Variants in GRM7 observed in about 807,000 individuals in gnomAD.
GRM7 encodes metabotropic glutamate receptor 7.
In GRM7, 35 loss-of-function variants were observed where a neutral mutation model predicts 84.5. The ratio of observed to expected loss-of-function variants is 0.41; its 90% CI spans 0.32 to 0.55. The LOEUF is 0.55. GRM7 is among the 20% of genes least tolerant of loss of function. The probability of loss-of-function intolerance (pLI) is 0.19; values close to 1 mark genes in which losing one functional copy is unlikely to be tolerated. For synonymous variants in GRM7, 487 were observed against 455.1 expected (o/e 1.07, Z -0.89); for missense variants, 1,003 against 1,194.6 (o/e 0.84, Z 2.36).
intron 1 of GRM7, among the ~76,000 whole-genome samples, chr3:7,070,219 G>A (rs936070613): frequency 6.6e-6 from 1 of 152,036 alleles, no homozygotes; most frequent in African/African-American, 2.4e-5. Context: ...CAGAATAATA[G>A]TTTCCAAAGT....
intron 1 of GRM7, among the ~76,000 whole-genome samples, chr3:7,030,512 A>G (rs932734144): frequency 1.3e-5 from 2 of 152,222 alleles, no homozygotes; most frequent in African/African-American, 4.8e-5. Context: ...AGAGTTTTTA[A>G]AAATAGTAAA....
intron 1 of GRM7, among the ~76,000 whole-genome samples, chr3:6,983,983 A>G (rs1022213354): frequency 1.6e-4 from 24 of 152,216 alleles, no homozygotes; most frequent in Non-Finnish European, 3.4e-4. Context: ...TTCTGTCATC[A>G]TAAAACAAAG....
intron 2 of GRM7, among the ~76,000 whole-genome samples, chr3:7,288,426 A>G (rs1359735188): frequency 6.6e-6 from 1 of 152,164 alleles, no homozygotes; most frequent in African/African-American, 2.4e-5. Context: ...ATCAGAATTT[A>G]TAAGAACTGG....
chr3:7,558,129 A>G (rs1401991855), intron 7 of GRM7, among the ~76,000 whole-genome samples: 1 of 152,136 alleles, frequency 6.6e-6, no homozygotes, highest in Non-Finnish European at 1.5e-5. Context: ...ATGATATATG[A>G]CAATGTATCT....
At chr3:7,008,113 G>A (rs1695243903) in intron 1 of GRM7, among the ~76,000 whole-genome samples, 2 of 10,494 alleles carry the variant, frequency 1.9e-4, no homozygotes, top group Non-Finnish European at 7.4e-4. Flanking sequence ...CAATGAGAAT[G>A]CGTTTTTTTT....
At chr3:7,282,040 G>A (rs936640636) in intron 2 of GRM7, among the ~76,000 whole-genome samples, 31 of 152,104 alleles carry the variant, frequency 2.0e-4, no homozygotes, top group African/African-American at 7.2e-4. Context: ...CAGAGATTGC[G>A]CCACTGCACT....
At chr3:7,297,157 G>T (rs1292014705) in intron 2 of GRM7, among the ~76,000 whole-genome samples, 3 of 151,776 alleles carry the variant, frequency 2.0e-5, no homozygotes, top group Non-Finnish European at 2.9e-5. Context: ...TCTAAACACT[G>T]CTTTATCTGT....
chr3:7,172,215 T>TA (rs1445726704), intron 2 of GRM7, among the ~76,000 whole-genome samples: 1 of 152,180 alleles, frequency 6.6e-6, no homozygotes, highest in Non-Finnish European at 1.5e-5. Context: ...AATTTTTTTT[T>TA]AAGTAACAAA....
intron 2 of GRM7, among the ~76,000 whole-genome samples, chr3:7,214,417 C>T (rs1696534033): frequency 6.6e-6 from 1 of 152,218 alleles, no homozygotes; most frequent in Non-Finnish European, 1.5e-5. Flanking sequence ...GCCCCTAAGG[C>T]TTGACCCCTT....
rs116646730 is a variant in GRM7 at position 7,121,386 on chromosome 3, C to G, written c.520-25066C>G. Among the ~76,000 whole-genome samples, 1,498 of 151,244 alleles carry G rather than the reference C, an allele frequency of 9.9e-3. 25 individuals carry two copies. The highest frequency in any genetic ancestry group is 0.034 in the African/African-American group (1,399 of 40,822). On this transcript the variant is annotated intron_variant, in intron 1 of 9. Coordinates refer to ENST00000357716, the MANE Select transcript of GRM7 (RefSeq NM_000844.4). Reference sequence around the variant, plus strand: ...CCATCCATCCATCCATCCATCCCCTCTATTCATTGTAAGGCGTTGTGTTTA... The same window carrying G: ...CCATCCATCCATCCATCCATCCCCTGTATTCATTGTAAGGCGTTGTGTTTA...
chr3:7,166,967 T>G (rs1480967045), intron 2 of GRM7, among the ~76,000 whole-genome samples: 1 of 152,202 alleles, frequency 6.6e-6, no homozygotes, highest in African/African-American at 2.4e-5. Context: ...TATTATGAAA[T>G]AAGGTAAGCT....
chr3:7,738,086 T>C (rs1702566614), intron 9 of GRM7, among the ~76,000 whole-genome samples: 1 of 152,126 alleles, frequency 6.6e-6, no homozygotes, highest in Admixed American at 6.6e-5. Context: ...TGACCTCTGA[T>C]GATCCACCCG....
intron 2 of GRM7, among the ~76,000 whole-genome samples, chr3:7,193,345 AT>A (rs1695777547): frequency 6.6e-6 from 1 of 152,010 alleles, no homozygotes; most frequent in African/African-American, 2.4e-5. Flanking sequence ...GATTTCATTA[AT>A]TTTTTCACCT....
At chr3:7,203,013 G>A (rs1423100515) in intron 2 of GRM7, among the ~76,000 whole-genome samples, 2 of 152,166 alleles carry the variant, frequency 1.3e-5, no homozygotes, top group Non-Finnish European at 2.9e-5. Context: ...AACCAAGTCA[G>A]GGTAGAGGAG....
intron 1 of GRM7, among the ~76,000 whole-genome samples, chr3:7,087,259 C>T (rs2125004190): frequency 6.6e-6 from 1 of 152,248 alleles, no homozygotes; most frequent in Non-Finnish European, 1.5e-5. Context: ...ACACGTCACT[C>T]CCCTCCTGAA....
At chr3:7,147,445 A>G (rs564848353) in intron 2 of GRM7, among the ~76,000 whole-genome samples, 15 of 152,330 alleles carry the variant, frequency 9.8e-5, no homozygotes, top group Non-Finnish European at 1.9e-4. Context: ...CTTATGTTGA[A>G]ATGGGTGCTC....
chr3:7,211,719 A>G (rs1314669183), intron 2 of GRM7, among the ~76,000 whole-genome samples: 4 of 151,984 alleles, frequency 2.6e-5, no homozygotes, highest in African/African-American at 7.2e-5. Flanking sequence ...AGGAATAGCT[A>G]CAAAAGGCAA....
intron 9 of GRM7, chr3:7,691,149 GT>G (rs754529660): frequency 7.3e-5 from 37 of 503,754 alleles, no homozygotes; most frequent in African/African-American, 5.8e-4. Context: ...CTATTCTCAT[GT>G]TTTTTTTCAA....
In GRM7 at chr3:7,192,979, C is replaced by A. The variant is rs559361807; in HGVS notation, c.736+46311C>A. Among the ~76,000 whole-genome samples, 329 of 152,242 alleles carry A rather than the reference C, an allele frequency of 2.2e-3. 6 individuals carry two copies. The South Asian group carries it at 0.023, about 11-fold the overall frequency. On this transcript the variant is annotated intron_variant, in intron 2 of 9. Coordinates refer to ENST00000357716, the MANE Select transcript of GRM7 (RefSeq NM_000844.4). ...TTCCATTTCCAACCTTACATTCCTC[C>A]CCTTCAATGCCTGCATTCTCCACGG...
Sources: allele counts gnomAD v4.1 joint callset (sites outside exome capture counted in the v4.1 genomes callset), GRCh38; gene constraint gnomAD v4.1.1; transcripts MANE v1.5; gene names NCBI Gene and HGNC (gene_info 2026-07-23, HGNC 2026-07-21).